Variants in NAF1 observed in about 807,000 individuals in gnomAD.
NAF1 encodes H/ACA ribonucleoprotein complex non-core subunit NAF1.
In NAF1, 11 loss-of-function variants were observed where a neutral mutation model predicts 40.6. The ratio of observed to expected loss-of-function variants is 0.27; its 90% CI spans 0.17 to 0.45. NAF1 has a LOEUF of 0.45. Ranked by LOEUF, NAF1 falls within the 20% of genes least tolerant of loss-of-function variation. The pLI, the probability that NAF1 is intolerant of heterozygous loss-of-function variation, is 1.00. For synonymous variants in NAF1, 260 were observed against 228.5 expected, an observed-to-expected ratio of 1.14 and a Z score of -1.24; for missense variants, 607 against 611.1, an observed-to-expected ratio of 0.99 and a Z score of 0.07.
chr4:163,150,745 T>A (rs937463811), intron 2 of NAF1, among the ~76,000 whole-genome samples: 9 of 152,090 alleles, frequency 5.9e-5, no homozygotes, highest in Non-Finnish European at 1.2e-4. Context: ...ACAACATTCT[T>A]TTACATATAT....
At chr4:163,153,808 C>T (rs964584280) in intron 2 of NAF1, among the ~76,000 whole-genome samples, 2 of 152,168 alleles carry the variant, frequency 1.3e-5, no homozygotes, top group Non-Finnish European at 2.9e-5. Context: ...CATTGGCAAC[C>T]CGCTCGGGTC....
At chr4:163,161,018 CAA>C (rs796248441) in intron 2 of NAF1, among the ~76,000 whole-genome samples, 18 of 59,690 alleles carry the variant, frequency 3.0e-4, no homozygotes, top group Admixed American at 3.8e-4. Flanking sequence ...TGTCATTTTC[CAA>C]AAAAAAAAAA....
In NAF1 at chr4:163,144,164, C is replaced by A. The variant is rs540889104; in HGVS notation, c.717+1618G>T. The A allele has an allele frequency of 2.0e-5, 5 of 244,588 alleles. No individual in the cohort carries two copies. The East Asian group carries it at 9.0e-4, about 44-fold the overall frequency. The allele number at this position is 244,588 out of a possible 1,614,324, so 15.2% of individuals were successfully genotyped here. A position where few individuals can be genotyped will look rare whatever the true frequency, so the allele number is the denominator to read the frequency against. On this transcript the variant is annotated intron_variant, in intron 4 of 7. Coordinates refer to ENST00000274054, the MANE Select transcript of NAF1 (RefSeq NM_138386.3). ...AGATTTCACTAGTTCATCAAGGGAACTAGCAATTCTTAGGATTAAAGGGCA... is the reference window on the plus strand; with the variant it reads ...AGATTTCACTAGTTCATCAAGGGAAATAGCAATTCTTAGGATTAAAGGGCA...
downstream of NAF1, among the ~76,000 whole-genome samples, chr4:163,126,468 G>A (rs1730659253): frequency 6.6e-6 from 1 of 152,284 alleles, no homozygotes; most frequent in South Asian, 2.1e-4. Flanking sequence ...ATTAGAAGTG[G>A]AACCTAAAGA....
intron 2 of NAF1, among the ~76,000 whole-genome samples, chr4:163,158,854 A>T (rs1264609960): frequency 6.6e-6 from 1 of 152,048 alleles, no homozygotes; most frequent in East Asian, 1.9e-4. Flanking sequence ...TATTAGCCTA[A>T]ATTTTTCAGA....
intron 2 of NAF1, among the ~76,000 whole-genome samples, chr4:163,119,157 A>G (rs1346796380): frequency 6.6e-6 from 1 of 152,038 alleles, no homozygotes; most frequent in Non-Finnish European, 1.5e-5. Flanking sequence ...TTTGTATCTT[A>G]TCCTTTTCTG....
Position 163,164,386 on chromosome 4 carries a change from G to A in NAF1, c.371C>T (p.Thr124Ile). 1.3e-6 allele frequency: 2 copies of A among 1,558,242 alleles called. No individual in the cohort carries two copies. Among genetic ancestry groups the A allele is most frequent in the Middle Eastern group, 1.7e-4 (1 of 5,978 alleles). ...CGATGAACTTGAACTATCTGAATCT[G>A]TTTCACTGTAGGGAAGAAAACAGTT... ...SDSDSDSDSE[T>I]DSDSSSSSSS... is the part of the protein sequence containing the mutation. The change falls in exon 2 of 8, where the codon ACA becomes ATA. Residue 124 changes from threonine (T) to isoleucine (I), a missense_variant. Thr to Ile is a moderately conservative substitution (Grantham distance 89, BLOSUM62 -1). Coordinates refer to ENST00000274054, the MANE Select transcript of NAF1 (RefSeq NM_138386.3).
intron 2 of NAF1, chr4:163,157,505 G>A (rs1732037949): frequency 6.6e-6 from 1 of 151,702 alleles, no homozygotes; most frequent in African/African-American, 2.4e-5. Context: ...TACACAAATG[G>A]CTAACGACAA....
At chr4:163,110,134 G>A (rs936381161) in exon 3 of NAF1, 3 of 541,122 alleles carry the variant, frequency 5.5e-6, no homozygotes, top group African/African-American at 3.8e-5. Context: ...TTGCCATGAG[G>A]TTCCCATGGC....
intron 5 of NAF1, among the ~76,000 whole-genome samples, chr4:163,137,719 G>A (rs1731113579): frequency 1.3e-5 from 2 of 152,242 alleles, no homozygotes; most frequent in South Asian, 2.1e-4. Flanking sequence ...CAGTTTACCT[G>A]AGGAATGTCA....
intron 3 of NAF1, 58 bp downstream of exon 3, chr4:163,148,283 G>C (rs923402703): frequency 3.9e-6 from 4 of 1,032,962 alleles, no homozygotes; most frequent in Non-Finnish European, 5.6e-6. Flanking sequence ...AAAAGTCATT[G>C]ATTCAATTAT....
chr4:163,107,381 T>C (rs1358921393), downstream of NAF1, among the ~76,000 whole-genome samples: 1 of 152,240 alleles, frequency 6.6e-6, no homozygotes, highest in Non-Finnish European at 1.5e-5. Flanking sequence ...GAGCAGCCTG[T>C]GCTCAGATAC....
chr4:163,142,247 C>T lies in NAF1; in HGVS notation c.718-1864G>A, dbSNP rs554713544. 5.5e-4 allele frequency among the ~76,000 whole-genome samples: 84 copies of T among 152,312 alleles called. 1 individual carries two copies. The highest frequency in any genetic ancestry group is 4.4e-3 in the Admixed American group (67 of 15,304). On this transcript the variant is annotated intron_variant, in intron 4 of 7. Coordinates refer to ENST00000274054, the MANE Select transcript of NAF1 (RefSeq NM_138386.3). ...ACTTAAAATTGTCTTAAAAACAATT[C>T]ACAAGTTTAATTCTCTCACATATAC...
intron 2 of NAF1, among the ~76,000 whole-genome samples, chr4:163,116,421 C>G (rs1211076253): frequency 6.6e-6 from 1 of 152,008 alleles, no homozygotes; most frequent in Admixed American, 6.5e-5. Context: ...AGAGAGAGAT[C>G]TGTATTAAGG....
chr4:163,133,189 C>A lies in NAF1; in HGVS notation c.998G>T (p.Gly333Val). ...AAATTCAGATTTGAGTTTTTTCCGG[C>A]CTTGAATCTGAGATTTTTTCCTCTG... Reference protein sequence around the residue: ...AKQRKKSQIQGRKKLKSEFNE... With the variant: ...AKQRKKSQIQVRKKLKSEFNE... The change falls in exon 7 of 8, where the codon GGC (glycine) becomes GTC (valine). Residue 333 changes from glycine (G) to valine (V), a missense_variant. Around this residue, in one of 3 missense-constraint regions of NAF1, gnomAD observed 189 missense variants for 216.6 expected, o/e 0.87. Transcript: ENST00000274054. The A allele has an allele frequency of 6.2e-7, 1 of 1,613,762 alleles. No homozygotes were observed. The highest frequency in any genetic ancestry group is 1.7e-4 in the Middle Eastern group (1 of 6,050).
chr4:163,161,862 C>T (rs760008046), intron 2 of NAF1, among the ~76,000 whole-genome samples: 16 of 152,122 alleles, frequency 1.1e-4, no homozygotes, highest in Non-Finnish European at 2.1e-4. Context: ...ATATTACACC[C>T]AACATCCCAC....
At chr4:163,109,646 G>GT (rs953937675), downstream of NAF1, among the ~76,000 whole-genome samples, 4 of 152,182 alleles carry the variant, frequency 2.6e-5, no homozygotes, top group African/African-American at 9.7e-5. Context: ...AAGTGAGGAT[G>GT]ATCTAACCCT....
chr4:163,112,401 T>C (rs543979523), intron 2 of NAF1, among the ~76,000 whole-genome samples: 11 of 152,218 alleles, frequency 7.2e-5, no homozygotes, highest in Non-Finnish European at 1.5e-4. Context: ...GAGATGGAAA[T>C]TGGAATACTG....
At chr4:163,141,174 G>A (rs1731247271) in intron 4 of NAF1, among the ~76,000 whole-genome samples, 1 of 152,108 alleles carries the variant, frequency 6.6e-6, no homozygotes, top group Non-Finnish European at 1.5e-5. Flanking sequence ...AGACCAGCCT[G>A]GCCAACATAG....
Sources: gnomAD v4.1 joint callset for allele counts (sites outside exome capture counted in the v4.1 genomes callset) on GRCh38, gnomAD v4.1.1 for gene constraint, gnomAD v4.1.1 regional missense constraint, MANE v1.5 for transcripts, NCBI Gene and HGNC (gene_info 2026-07-23, HGNC 2026-07-21) for gene names.